The following KDM5A variants were observed in gnomAD, a reference collection of about 807,000 sequenced individuals.
KDM5A encodes the protein lysine-specific demethylase 5A.
Under a neutral mutation model 193.5 loss-of-function variants are expected in KDM5A, and 42 were observed. The observed-to-expected ratio is 0.22, with a 90% CI of 0.17 to 0.28. The LOEUF (loss-of-function observed/expected upper bound fraction) is 0.28. Ranked by LOEUF, KDM5A falls within the 10% of genes least tolerant of loss-of-function variation. The probability of loss-of-function intolerance (pLI) is 1.00; values close to 1 mark genes in which losing one functional copy is unlikely to be tolerated. For missense variants in KDM5A, 1,692 were observed against 2,055.1 expected (o/e 0.82, Z 3.42); for synonymous variants, 796 against 718.1 (o/e 1.11, Z -1.73).
intron 24 of KDM5A, among the ~76,000 whole-genome samples, chr12:297,434 T>C (rs537043462): frequency 3.4e-4 from 52 of 152,362 alleles, no homozygotes; most frequent in African/African-American, 1.2e-3. Context: ...CACATTACTA[T>C]AATTCTGATG....
At position 284,691 on chromosome 12, in the gene KDM5A, T is replaced by C. The variant is rs1485485888; in HGVS notation, c.*765A>G. Reference sequence around the variant, plus strand: ...CATGTACCTGCTCTTCCCTAAAATGTAGACCCAAGACAGCAAGACTTTTCA... The same window carrying C: ...CATGTACCTGCTCTTCCCTAAAATGCAGACCCAAGACAGCAAGACTTTTCA... On this transcript the variant is annotated 3_prime_UTR_variant, in exon 28 of 28. Transcript: ENST00000399788. 4.3e-6 allele frequency: 1 copy of C among 233,132 alleles called. No individual in the cohort carries two copies. Among genetic ancestry groups the C allele is most frequent in the African/African-American group, 2.2e-5 (1 of 45,316 alleles). The allele number at this position is 233,132 out of a possible 1,614,324, so 14.4% of individuals were successfully genotyped here.
rs773185931 is a variant in KDM5A, at chr12:310,909, C to A, written c.3192G>T (p.Lys1064Asn). 1 of 1,614,064 alleles carries A rather than the reference C, an allele frequency of 6.2e-7. No individual in the cohort carries two copies. The highest frequency in any genetic ancestry group is 1.7e-5 in the Admixed American group (1 of 60,008). The change falls in exon 21 of 28, where the codon AAG (lysine) becomes AAT (asparagine). Residue 1064 changes from lysine (K) to asparagine (N), a missense_variant. Physicochemically the swap from Lys to Asn is moderately conservative, Grantham distance 94 (BLOSUM62 0). Coordinates refer to ENST00000399788, the MANE Select transcript of KDM5A (RefSeq NM_001042603.3). ...RERTGRTFLK[K>N]NSSHTLLQVL... is the part of the protein sequence containing the mutation. ...CCTGTAACAATGTATGGCTAGAATT[C>A]TTCTTAAGAAACGTCCGCCCAGTCC...
At chr12:333,784 C>G in intron 11 of KDM5A, 135 bp from the exon 12 acceptor site, 1 of 837,162 alleles carries the variant, frequency 1.2e-6, no homozygotes, top group Non-Finnish European at 2.0e-6. Context: ...TTCTGGCAAC[C>G]ATCTTATAAA....
At chr12:371,274 C>T (rs1320259099) in intron 3 of KDM5A, among the ~76,000 whole-genome samples, 3 of 152,302 alleles carry the variant, frequency 2.0e-5, no homozygotes, top group South Asian at 4.1e-4. Flanking sequence ...CTCTCCAGCA[C>T]CTGTTGTTTC....
intron 10 of KDM5A, among the ~76,000 whole-genome samples, chr12:346,020 CA>C (rs1271694859): frequency 6.6e-6 from 1 of 151,658 alleles, no homozygotes; most frequent in Non-Finnish European, 1.5e-5. Context: ...AGACCACGAG[CA>C]AGACTAATAA....
chr12:330,709 A>G (rs891527551), intron 13 of KDM5A, among the ~76,000 whole-genome samples: 2 of 152,236 alleles, frequency 1.3e-5, no homozygotes, highest in Non-Finnish European at 2.9e-5. Context: ...CCAAAGCCTA[A>G]TAAGAAAAAA....
chr12:331,779 G>A, intron 13 of KDM5A, 40 bp downstream of exon 13: 1 of 1,611,994 alleles, frequency 6.2e-7, no homozygotes, highest in Non-Finnish European at 8.5e-7. Flanking sequence ...TTTATAGGGG[G>A]GTTAGTAGAC....
chr12:297,232 T>A, intron 24 of KDM5A, 32 bp from the exon 25 acceptor site: 7 of 1,607,768 alleles, frequency 4.4e-6, no homozygotes. Flanking sequence ...GTATTCAGAA[T>A]TAGAGTCATT....
intron 3 of KDM5A, among the ~76,000 whole-genome samples, chr12:366,469 A>G (rs1200604250): frequency 6.6e-6 from 1 of 152,238 alleles, no homozygotes; most frequent in African/African-American, 2.4e-5. Flanking sequence ...TATGAAAATA[A>G]ATGTTATATA....
intron 27 of KDM5A, among the ~76,000 whole-genome samples, chr12:292,297 G>A (rs1476253263): frequency 1.3e-5 from 2 of 152,162 alleles, no homozygotes; most frequent in Non-Finnish European, 2.9e-5. Flanking sequence ...AGCTCTGAGT[G>A]TAAGATATGG....
chr12:351,925 G>A (rs1444081641), intron 9 of KDM5A, among the ~76,000 whole-genome samples: 1 of 152,002 alleles, frequency 6.6e-6, no homozygotes, highest in African/African-American at 2.4e-5. Flanking sequence ...CCAATATGGT[G>A]AAACCCCATC....
chr12:320,232 C>G (rs1412484929), intron 18 of KDM5A, among the ~76,000 whole-genome samples: 1 of 152,206 alleles, frequency 6.6e-6, no homozygotes, highest in Non-Finnish European at 1.5e-5. Context: ...TGCGGTGGCT[C>G]ATGCCTGTAA....
intron 25 of KDM5A, among the ~76,000 whole-genome samples, chr12:296,195 C>A (rs1943370147): frequency 6.6e-6 from 1 of 151,904 alleles, no homozygotes; most frequent in South Asian, 2.1e-4. Flanking sequence ...TGGCGCATGC[C>A]TATAAATCCC....
chr12:302,853 G>T (rs558760856), intron 24 of KDM5A, among the ~76,000 whole-genome samples: 15 of 152,216 alleles, frequency 9.9e-5, no homozygotes, highest in African/African-American at 3.6e-4. Context: ...AAAAGTAGGC[G>T]AAGAATATGA....
chr12:321,134 T>C (rs189610539), intron 17 of KDM5A, 25 bp from the exon 18 acceptor site: 48 of 1,528,248 alleles, frequency 3.1e-5, no homozygotes, highest in Middle Eastern at 3.4e-4. Flanking sequence ...TATTGAGATA[T>C]AAGTAAGAAA....
intron 14 of KDM5A, among the ~76,000 whole-genome samples, chr12:325,658 A>G (rs1480095314): frequency 6.6e-6 from 1 of 152,222 alleles, no homozygotes; most frequent in Non-Finnish European, 1.5e-5. Context: ...CGGGCAACAG[A>G]GTGAGACCCT....
rs1183105918 is a variant in KDM5A at position 295,765 on chromosome 12, C to T, written c.4263G>A (p.Arg1421=). Residue 1421 remains arginine (R), a synonymous_variant, in exon 26 of 28, where the codon CGG becomes CGA. Coordinates refer to ENST00000399788, the MANE Select transcript of KDM5A (RefSeq NM_001042603.3). ...QGSSTPRKQP[R]KSPLVPRSLE... ...AACTTCGGGGCACCAAAGGGCTCTTCCGAGGTTGTTTCCTTGGGGTGCTAG... is the reference window on the plus strand; with the variant it reads ...AACTTCGGGGCACCAAAGGGCTCTTTCGAGGTTGTTTCCTTGGGGTGCTAG... The T allele has an allele frequency of 6.2e-7, 1 of 1,614,084 alleles. No homozygotes were observed. The highest frequency in any genetic ancestry group is 1.3e-5 in the African/African-American group (1 of 75,016).
chr12:284,277 G>C lies in KDM5A; in HGVS notation c.*1179C>G, dbSNP rs1356494747. 4.4e-6 allele frequency: 1 copy of C among 227,386 alleles called. No individual in the cohort carries two copies. Among genetic ancestry groups the C allele is most frequent in the Non-Finnish European group, 8.7e-6 (1 of 114,812 alleles). 14.1% of individuals were successfully genotyped at this position (227,386 alleles called of 1,614,324 possible). ...AAAAAGGAAAAATAATCTATGTATA[G>C]AACAGTCAGTAGTCAGAGACATTTA... On this transcript the variant is annotated 3_prime_UTR_variant, in exon 28 of 28. Transcript: ENST00000399788.
In KDM5A at chr12:389,108, G is replaced by T. The variant is rs781092393; in HGVS notation, c.-17C>A. 1.6e-5 allele frequency: 26 copies of T among 1,598,060 alleles called. No homozygotes were observed. The highest frequency in any genetic ancestry group is 3.4e-5 in the Admixed American group (2 of 58,262). On this transcript the variant is annotated 5_prime_UTR_variant, in exon 1 of 28. Coordinates refer to ENST00000399788, the MANE Select transcript of KDM5A (RefSeq NM_001042603.3). ...GCCCGCCATTGCAACGGCCGGGGGGGGGGGGGGGTCCCCGTGGGGAACCGG... is the reference window on the plus strand; with the variant it reads ...GCCCGCCATTGCAACGGCCGGGGGGTGGGGGGGGTCCCCGTGGGGAACCGG...
Sources: gnomAD v4.1 joint callset for allele counts (sites outside exome capture counted in the v4.1 genomes callset) on GRCh38, gnomAD v4.1.1 for gene constraint, MANE v1.5 for transcripts, NCBI Gene and HGNC (gene_info 2026-07-23, HGNC 2026-07-21) for gene names.